Variants in CRYBG1 observed in about 807,000 individuals in gnomAD.
The protein encoded by CRYBG1 is crystallin beta-gamma domain containing 1.
CRYBG1 carries 139 observed loss-of-function variants against 189.2 expected under a neutral mutation model. The ratio of observed to expected loss-of-function variants is 0.73; its 90% CI spans 0.64 to 0.85. The LOEUF is 0.85. CRYBG1 is among the 40% of genes least tolerant of loss of function. The probability of loss-of-function intolerance (pLI) is 0.00; values close to 1 mark genes in which losing one functional copy is unlikely to be tolerated. For synonymous variants in CRYBG1, 1,023 were observed against 1,017.1 expected (o/e 1.01, Z -0.11); for missense variants, 2,611 against 2,675.8 (o/e 0.98, Z 0.53).
intron 1 of CRYBG1, among the ~76,000 whole-genome samples, chr6:106,380,819 CA>C (rs532816079): frequency 6.6e-6 from 1 of 152,258 alleles, no homozygotes; most frequent in Admixed American, 6.5e-5. Flanking sequence ...CAATAAGCAG[CA>C]ATGTGTAATG....
At chr6:106,559,651 G>T (rs191300671) in intron 18 of CRYBG1, among the ~76,000 whole-genome samples, 59 of 152,156 alleles carry the variant, frequency 3.9e-4, no homozygotes, top group Admixed American at 2.7e-3. Flanking sequence ...CAGGTGTGGT[G>T]GTGGGGCCCC....
At chr6:106,495,900 A>G (rs1036147185) in intron 2 of CRYBG1, among the ~76,000 whole-genome samples, 2 of 151,474 alleles carry the variant, frequency 1.3e-5, no homozygotes, top group Non-Finnish European at 2.9e-5. Context: ...CTCCTTGGAA[A>G]AAGACTAGTA....
intron 2 of CRYBG1, among the ~76,000 whole-genome samples, chr6:106,492,051 T>C (rs767400113): frequency 7.4e-4 from 112 of 152,172 alleles, no homozygotes; most frequent in Non-Finnish European, 1.4e-3. Flanking sequence ...ATCCATCCTT[T>C]AAGGCTAGTA....
intron 2 of CRYBG1, among the ~76,000 whole-genome samples, chr6:106,484,477 A>G (rs1772553240): frequency 6.8e-6 from 1 of 147,578 alleles, no homozygotes; most frequent in African/African-American, 2.5e-5. Flanking sequence ...GCCCACCCAC[A>G]CCCAGCTAAT....
intron 1 of CRYBG1, among the ~76,000 whole-genome samples, chr6:106,450,024 A>T (rs1308173474): frequency 6.6e-6 from 1 of 151,802 alleles, no homozygotes; most frequent in Admixed American, 6.6e-5. Flanking sequence ...CAGGAGTTCG[A>T]GATTAGCCTG....
intron 1 of CRYBG1, among the ~76,000 whole-genome samples, chr6:106,364,685 G>A (rs921886653): frequency 3.9e-5 from 6 of 152,192 alleles, no homozygotes; most frequent in African/African-American, 1.4e-4. Flanking sequence ...AGGCCACTTA[G>A]CAGCCACTAG....
chr6:106,392,461 T>C (rs1770526925), intron 1 of CRYBG1, among the ~76,000 whole-genome samples: 1 of 151,894 alleles, frequency 6.6e-6, no homozygotes, highest in South Asian at 2.1e-4. Flanking sequence ...AGACTAGAGG[T>C]AGGACTTAGG....
At chr6:106,482,635 C>A (rs993503074) in intron 2 of CRYBG1, among the ~76,000 whole-genome samples, 4 of 151,946 alleles carry the variant, frequency 2.6e-5, no homozygotes, top group East Asian at 1.9e-4. Flanking sequence ...ATTAGCTGGG[C>A]GTGGTGGCGG....
chr6:106,391,269 A>T (rs1770496243), intron 1 of CRYBG1, among the ~76,000 whole-genome samples: 2 of 152,118 alleles, frequency 1.3e-5, no homozygotes, highest in Admixed American at 6.6e-5. Flanking sequence ...TTTAGTAGAG[A>T]TGGGGTTTCA....
rs1278944281 is a variant in CRYBG1 at position 106,519,801 on chromosome 6, C to T, written c.2593C>T (p.Pro865Ser). The T allele has an allele frequency of 1.2e-6, 2 of 1,614,158 alleles. No individual in the cohort carries two copies. The highest frequency in any genetic ancestry group is 1.7e-5 in the Admixed American group (1 of 60,018). ...GCATACATTTTCTGACTCACAGTCC[C>T]CTGCTGAGTCATCTCCTGGGCCTTC... is the stretch of plus-strand genomic sequence containing the variant. ...PQHTFSDSQS[P>S]AESSPGPSLS... The change falls in exon 4 of 22, where the codon CCT (proline) becomes TCT (serine). Residue 865 changes from proline (P) to serine (S), a missense_variant. By Grantham distance (74) the Pro-to-Ser change is moderately conservative. Transcript: ENST00000633556.
rs138448714 is a variant in CRYBG1 at position 106,562,265 on chromosome 6, G to A, written c.6138+765G>A. The stretch of plus-strand genomic sequence containing the variant: ...TTTCAGTAAACAGAAGTACTGTTTG[G>A]ACATGCATAGAAGAACTAGCAGGAG... On this transcript the variant is annotated intron_variant, in intron 20 of 21. Coordinates refer to ENST00000633556, the MANE Select transcript of CRYBG1 (RefSeq NM_001371242.2). 4.7e-4 allele frequency among the ~76,000 whole-genome samples: 72 copies of A among 152,280 alleles called. No individual in the cohort carries two copies. The East Asian group carries it at 0.014, about 29-fold the overall frequency.
chr6:106,424,570 T>C (rs559912294), intron 1 of CRYBG1, among the ~76,000 whole-genome samples: 21 of 152,220 alleles, frequency 1.4e-4, no homozygotes, highest in Middle Eastern at 3.4e-3. Flanking sequence ...CAACTGATTA[T>C]CCTGCCTCAG....
chr6:106,439,314 T>C (rs893843182), intron 1 of CRYBG1, among the ~76,000 whole-genome samples: 2 of 152,206 alleles, frequency 1.3e-5, no homozygotes, highest in Non-Finnish European at 2.9e-5. Context: ...GAATTTCTCA[T>C]TTTTAGAAGC....
chr6:106,400,871 G>A (rs1444939092), intron 1 of CRYBG1, among the ~76,000 whole-genome samples: 2 of 152,164 alleles, frequency 1.3e-5, no homozygotes, highest in Non-Finnish European at 2.9e-5. Context: ...CGCAAAGTAG[G>A]TGCAAGATCG....
intron 1 of CRYBG1, among the ~76,000 whole-genome samples, chr6:106,366,905 A>G (rs189348854): frequency 4.9e-4 from 75 of 152,330 alleles, no homozygotes; most frequent in African/African-American, 1.7e-3. Context: ...TAAAAACTTC[A>G]GAGGCCCAGA....
At chr6:106,421,886 CA>C (rs909793844) in intron 1 of CRYBG1, among the ~76,000 whole-genome samples, 9 of 149,270 alleles carry the variant, frequency 6.0e-5, no homozygotes, top group Non-Finnish European at 8.9e-5. Flanking sequence ...TGGTAGCAGG[CA>C]AAAAAAAAGA....
At chr6:106,361,969 C>CTTTCTTTCTTTCTTTCTTTCTTTCTTTCT (rs1562285527) in intron 1 of CRYBG1, among the ~76,000 whole-genome samples, 8 of 112,362 alleles carry the variant, frequency 7.1e-5, no homozygotes, top group Non-Finnish European at 1.1e-4. Flanking sequence ...TTCTTTCTTT[C>CTTTCTTTCTTTCTTTCTTTCTTTCTTTCT]TTTTTTTTTT....
rs202037512 is a variant in CRYBG1 at position 106,555,810 on chromosome 6, C to A, written c.5628C>A (p.Tyr1876Ter). The A allele has an allele frequency of 6.2e-7, 1 of 1,613,970 alleles. No individual in the cohort carries two copies. Among genetic ancestry groups the A allele is most frequent in the African/African-American group, 1.3e-5 (1 of 74,898 alleles). The change falls in exon 17 of 22, where the codon TAC becomes TAA. Residue 1876 changes from tyrosine to a stop codon, truncating the protein, a stop_gained. Coordinates refer to ENST00000633556, the MANE Select transcript of CRYBG1 (RefSeq NM_001371242.2). LOFTEE classifies it high-confidence loss of function. Reference protein sequence around the residue: ...YDGENFTGNQYVLEEGHYPCL... With the variant: ...YDGENFTGNQ ...GAGAAAATTTCACTGGTAATCAATA[C>A]GTGTTGGAAGAAGGCCATTATCCTT...
chr6:106,562,493 C>T (rs201644040), intron 20 of CRYBG1, among the ~76,000 whole-genome samples: 2 of 151,706 alleles, frequency 1.3e-5, no homozygotes, highest in African/African-American at 2.4e-5. Context: ...GAATAATATA[C>T]TTTAATTTTT....
Sources: gnomAD v4.1 joint callset for allele counts (sites outside exome capture counted in the v4.1 genomes callset) on GRCh38, gnomAD v4.1.1 for gene constraint, MANE v1.5 for transcripts, NCBI Gene and HGNC (gene_info 2026-07-23, HGNC 2026-07-21) for gene names.